Variants in GRIK3 observed in about 807,000 individuals in gnomAD.
The protein encoded by GRIK3 is glutamate ionotropic receptor kainate type subunit 3.
Under a neutral mutation model 102.5 loss-of-function variants are expected in GRIK3, and 29 were observed. That is an observed-to-expected ratio of 0.28 (90% CI 0.21 to 0.39). The LOEUF (loss-of-function observed/expected upper bound fraction) is 0.39. GRIK3 is among the 10% of genes least tolerant of loss of function. GRIK3 has a pLI of 1.00. For synonymous variants in GRIK3, 511 were observed against 504.9 expected (o/e 1.01, Z -0.16); for missense variants, 908 against 1,252.4 (o/e 0.73, Z 4.15).
intron 11 of GRIK3, among the ~76,000 whole-genome samples, chr1:36,824,566 G>A (rs1044529857): frequency 3.9e-5 from 6 of 152,154 alleles, no homozygotes; most frequent in Admixed American, 6.5e-5. Context: ...GGCTTTTAAA[G>A]AAGGCTCTGG....
chr1:36,836,918 C>A (rs1033010074), intron 10 of GRIK3, among the ~76,000 whole-genome samples: 1 of 152,092 alleles, frequency 6.6e-6, no homozygotes, highest in South Asian at 2.1e-4. Flanking sequence ...CAGGAGGTCA[C>A]GCTTGTGCCA....
chr1:36,883,155 T>C (rs1037915153), intron 2 of GRIK3, among the ~76,000 whole-genome samples: 8 of 152,072 alleles, frequency 5.3e-5, no homozygotes, highest in Non-Finnish European at 1.0e-4. Context: ...AGGGCCAGAG[T>C]ATAAGTGGAA....
chr1:36,818,537 A>G (rs1570741826), intron 12 of GRIK3, among the ~76,000 whole-genome samples: 1 of 152,322 alleles, frequency 6.6e-6, no homozygotes, highest in Non-Finnish European at 1.5e-5. Flanking sequence ...TTGATTGCTG[A>G]GTTCTGCCAG....
intron 4 of GRIK3, among the ~76,000 whole-genome samples, chr1:36,870,664 T>G (rs1640832865): frequency 6.6e-6 from 1 of 152,244 alleles, no homozygotes; most frequent in South Asian, 2.1e-4. Context: ...CAGCTCAGAA[T>G]CTTCATTTCT....
intron 1 of GRIK3, among the ~76,000 whole-genome samples, chr1:37,006,012 A>G (rs1642528772): frequency 6.6e-6 from 1 of 152,090 alleles, no homozygotes; most frequent in African/African-American, 2.4e-5. Flanking sequence ...GCTAGCCTGA[A>G]AGGGGATAAG....
intron 1 of GRIK3, among the ~76,000 whole-genome samples, chr1:36,976,511 T>C (rs966753969): frequency 2.6e-5 from 4 of 152,100 alleles, no homozygotes; most frequent in African/African-American, 4.8e-5. Flanking sequence ...CCATGGGCCA[T>C]GGACCTTGGC....
At chr1:36,860,087 C>T in intron 5 of GRIK3, 70 bp from the exon 6 acceptor site, 1 of 1,287,642 alleles carries the variant, frequency 7.8e-7, no homozygotes, top group Non-Finnish European at 1.1e-6. Context: ...GCCTCCTACC[C>T]ACTCCCTAAT....
chr1:36,900,866 G>T (rs1258723152), intron 1 of GRIK3, among the ~76,000 whole-genome samples: 1 of 152,090 alleles, frequency 6.6e-6, no homozygotes, highest in African/African-American at 2.4e-5. Context: ...AAGTGAAAGA[G>T]GGGACATCTC....
intron 7 of GRIK3, among the ~76,000 whole-genome samples, chr1:36,857,300 G>A (rs1570763444): frequency 1.3e-5 from 2 of 152,296 alleles, no homozygotes; most frequent in African/African-American, 2.4e-5. Context: ...GAGGAAGGGG[G>A]TACAGGGGGC....
Position 36,859,428 on chromosome 1 carries a change from G to C in GRIK3, c.961-177C>G, listed in dbSNP as rs56706906. On this transcript the variant is annotated intron_variant, in intron 6 of 15. Coordinates refer to ENST00000373091, the MANE Select transcript of GRIK3 (RefSeq NM_000831.4). Reference sequence around the variant, plus strand: ...CTCTGAGGAGTGGCCAGGCTTGGCTGACTCTGCTGCTCTACAAACATCCTG... The same window carrying C: ...CTCTGAGGAGTGGCCAGGCTTGGCTCACTCTGCTGCTCTACAAACATCCTG... Among the ~76,000 whole-genome samples, 408 of 152,214 alleles carry C rather than the reference G, an allele frequency of 2.7e-3. 3 individuals are homozygous for C. The highest frequency in any genetic ancestry group is 9.5e-3 in the African/African-American group (395 of 41,522).
chr1:36,983,072 A>G (rs1323579418), intron 1 of GRIK3, among the ~76,000 whole-genome samples: 1 of 152,062 alleles, frequency 6.6e-6, no homozygotes, highest in Non-Finnish European at 1.5e-5. Context: ...ACAGCCACAC[A>G]ATCGCACATT....
At chr1:36,987,447 G>A (rs993504970) in intron 1 of GRIK3, among the ~76,000 whole-genome samples, 4 of 152,204 alleles carry the variant, frequency 2.6e-5, no homozygotes, top group African/African-American at 7.2e-5. Flanking sequence ...GAGCCAAGAA[G>A]GGGAGTGTTG....
chr1:36,856,451 C>T lies in GRIK3; in HGVS notation c.1104+2657G>A, dbSNP rs139340493. ...AAGATGCTTCACACGCTCTGAACTC[C>T]GGCCTGGTATTTTCCAGCTCCTCTC... On this transcript the variant is annotated intron_variant, in intron 7 of 15. Transcript: ENST00000373091. 3.5e-4 allele frequency among the ~76,000 whole-genome samples: 54 copies of T among 152,306 alleles called. No individual in the cohort carries two copies. In the East Asian group the frequency reaches 9.1e-3, roughly 26 times the overall value.
At chr1:36,821,736 AG>A (rs767501949) in intron 11 of GRIK3, among the ~76,000 whole-genome samples, 8 of 152,172 alleles carry the variant, frequency 5.3e-5, no homozygotes, top group Non-Finnish European at 1.0e-4. Flanking sequence ...CTGGAGGACC[AG>A]GGGCTGTGTG....
chr1:36,932,210 C>T (rs1641598588), intron 1 of GRIK3, among the ~76,000 whole-genome samples: 1 of 152,212 alleles, frequency 6.6e-6, no homozygotes, highest in Non-Finnish European at 1.5e-5. Flanking sequence ...TCCAATTTGA[C>T]TGATCTTAGT....
At chr1:37,021,890 T>C (rs1365595662) in intron 1 of GRIK3, among the ~76,000 whole-genome samples, 1 of 152,148 alleles carries the variant, frequency 6.6e-6, no homozygotes, top group East Asian at 1.9e-4. Context: ...GTTTCCCCAC[T>C]GATACAAAGG....
At chr1:36,805,715 T>C (rs1431007299) in intron 14 of GRIK3, among the ~76,000 whole-genome samples, 1 of 151,456 alleles carries the variant, frequency 6.6e-6, no homozygotes, top group Non-Finnish European at 1.5e-5. Context: ...GGTGGGGAGA[T>C]CACGTGAGGT....
chr1:36,991,209 T>C (rs1642360165), intron 1 of GRIK3, among the ~76,000 whole-genome samples: 2 of 152,238 alleles, frequency 1.3e-5, no homozygotes, highest in Admixed American at 1.3e-4. Flanking sequence ...CAGGCTCGTG[T>C]GCATGAGGCA....
At chr1:36,873,401 C>T (rs966463781) in intron 3 of GRIK3, among the ~76,000 whole-genome samples, 5 of 152,150 alleles carry the variant, frequency 3.3e-5, no homozygotes, top group African/African-American at 4.8e-5. Context: ...TAATTAAGTT[C>T]GTTTCTGTCC....
Sources: gnomAD v4.1 joint callset for allele counts (sites outside exome capture counted in the v4.1 genomes callset) on GRCh38, gnomAD v4.1.1 for gene constraint, MANE v1.5 for transcripts, NCBI Gene and HGNC (gene_info 2026-07-23, HGNC 2026-07-21) for gene names.